The following DCDC2 variants were observed in gnomAD, a reference collection of about 807,000 sequenced individuals.
DCDC2 encodes doublecortin domain-containing protein 2.
A neutral mutation model predicts 50.2 loss-of-function variants in DCDC2; 40 were observed. The ratio of observed to expected loss-of-function variants is 0.80; its 90% CI spans 0.62 to 1.04. DCDC2 has a LOEUF of 1.04. Among genes scored for constraint, DCDC2 ranks in the 50% least tolerant of loss-of-function variants. The probability of loss-of-function intolerance (pLI) is 0.00; values close to 1 mark genes in which losing one functional copy is unlikely to be tolerated. For synonymous variants in DCDC2, 234 were observed against 210.6 expected, an observed-to-expected ratio of 1.11 and a Z score of -0.96; for missense variants, 570 against 581.9, an observed-to-expected ratio of 0.98 and a Z score of 0.21.
chr6:24,204,652 G>A (rs551652333), intron 8 of DCDC2, among the ~76,000 whole-genome samples: 7 of 152,196 alleles, frequency 4.6e-5, no homozygotes, highest in African/African-American at 1.7e-4. Context: ...TTTTCTAAGT[G>A]GGTAAGTACT....
chr6:24,286,724 T>C (rs9379650), intron 6 of DCDC2, among the ~76,000 whole-genome samples: 83,087 of 152,044 alleles, frequency 0.55, 26,111 homozygotes, highest in East Asian at 0.78. Context: ...CAACTCAACA[T>C]GTTTGAAATT....
At chr6:24,299,133 T>C (rs73396024) in intron 4 of DCDC2, among the ~76,000 whole-genome samples, 1 of 152,170 alleles carries the variant, frequency 6.6e-6, no homozygotes, top group Admixed American at 6.5e-5. Context: ...ATGGTGTATA[T>C]ACACCATGGA....
chr6:24,251,925 T>A (rs1020082152), intron 7 of DCDC2, among the ~76,000 whole-genome samples: 6 of 152,150 alleles, frequency 3.9e-5, no homozygotes, highest in African/African-American at 1.4e-4. Context: ...ATATTCATCA[T>A]CTCCAATGCC....
intron 7 of DCDC2, among the ~76,000 whole-genome samples, chr6:24,223,983 TTTCTC>T (rs951949300): frequency 5.9e-5 from 9 of 152,200 alleles, no homozygotes; most frequent in African/African-American, 2.2e-4. Flanking sequence ...ATCCTTGGTC[TTTCTC>T]TTAACACTGA....
At chr6:24,269,109 A>T (rs1269568692) in intron 7 of DCDC2, among the ~76,000 whole-genome samples, 1 of 152,236 alleles carries the variant, frequency 6.6e-6, no homozygotes, top group African/African-American at 2.4e-5. Context: ...AAGAATAAAA[A>T]TAGAGTTCAT....
intron 9 of DCDC2, among the ~76,000 whole-genome samples, 178 bp downstream of exon 9, chr6:24,178,152 T>C (rs544872034): frequency 1.3e-5 from 2 of 152,350 alleles, no homozygotes; most frequent in East Asian, 3.9e-4. Flanking sequence ...AATGGCAGTA[T>C]TGTTAAATGG....
chr6:24,381,385 C>T, the DCDC2 span, among the ~76,000 whole-genome samples: 1 of 152,140 alleles, frequency 6.6e-6, no homozygotes, highest in East Asian at 1.9e-4. Context: ...GAGATCAATA[C>T]TGTAAGATCT....
intron 7 of DCDC2, among the ~76,000 whole-genome samples, chr6:24,207,250 CTA>C (rs1250394131): frequency 8.9e-4 from 124 of 140,094 alleles, no homozygotes; most frequent in African/African-American, 3.5e-3. Flanking sequence ...CTCACTCCAT[CTA>C]TCTTTCTCTC....
chr6:24,229,584 A>G (rs1561898899), intron 7 of DCDC2, among the ~76,000 whole-genome samples: 1 of 152,146 alleles, frequency 6.6e-6, no homozygotes, highest in Admixed American at 6.5e-5. Context: ...AAAAAATGCA[A>G]AAAATTTTCA....
intron 7 of DCDC2, among the ~76,000 whole-genome samples, chr6:24,251,262 G>C (rs889095493): frequency 9.9e-5 from 15 of 152,280 alleles, no homozygotes; most frequent in African/African-American, 2.9e-4. Context: ...GAGGATACAT[G>C]AAGAATAGCT....
chr6:24,375,615 C>G, the DCDC2 span, among the ~76,000 whole-genome samples: 1 of 152,100 alleles, frequency 6.6e-6, no homozygotes, highest in Non-Finnish European at 1.5e-5. Flanking sequence ...TGAGAAAGAC[C>G]TTCCCTCACC....
At chr6:24,273,503 T>C (rs1763285597) in intron 7 of DCDC2, among the ~76,000 whole-genome samples, 1 of 152,246 alleles carries the variant, frequency 6.6e-6, no homozygotes, top group Non-Finnish European at 1.5e-5. Flanking sequence ...CAATGAATCA[T>C]AAATCTTACC....
In DCDC2 at chr6:24,188,658, T is replaced by C. The variant is rs566630653; in HGVS notation, c.1024-10026A>G. Among the ~76,000 whole-genome samples the C allele has an allele frequency of 2.4e-4, 36 of 152,300 alleles. No homozygotes were observed. In the South Asian group the frequency reaches 7.3e-3, roughly 31 times the overall value. On this transcript the variant is annotated intron_variant, in intron 8 of 9. Coordinates refer to ENST00000378454, the MANE Select transcript of DCDC2 (RefSeq NM_016356.5). ...AAGAGAACCTGTTTTCAGATAGAAATTGTTTCTCTAAGGAGTACATACATC... is the reference window on the plus strand; with the variant it reads ...AAGAGAACCTGTTTTCAGATAGAAACTGTTTCTCTAAGGAGTACATACATC...
chr6:24,281,548 C>G (rs1763472455), intron 6 of DCDC2, among the ~76,000 whole-genome samples: 1 of 143,370 alleles, frequency 7.0e-6, no homozygotes, highest in African/African-American at 2.5e-5. Flanking sequence ...GTTGATTCAT[C>G]TAAAGTGTTC....
At chr6:24,234,250 C>G (rs1288088377) in intron 7 of DCDC2, among the ~76,000 whole-genome samples, 2 of 151,166 alleles carry the variant, frequency 1.3e-5, no homozygotes, top group African/African-American at 4.9e-5. Flanking sequence ...AAAAATCGCA[C>G]GGGGCACAGA....
At chr6:24,260,916 G>A (rs1221342035) in intron 7 of DCDC2, among the ~76,000 whole-genome samples, 1 of 152,146 alleles carries the variant, frequency 6.6e-6, no homozygotes, top group Non-Finnish European at 1.5e-5. Flanking sequence ...ATATTGGATT[G>A]AATTATTGAG....
chr6:24,306,537 GATA>G (rs1418810112), intron 2 of DCDC2, among the ~76,000 whole-genome samples: 7 of 142,642 alleles, frequency 4.9e-5, no homozygotes, highest in African/African-American at 1.9e-4. Context: ...TAGATAGATA[GATA>G]GATAGACAGA....
rs571691635 is a variant in DCDC2, at chr6:24,283,395, AC to A, written c.760-5185del. Among the ~76,000 whole-genome samples the A allele has an allele frequency of 3.1e-3, 470 of 152,330 alleles. 2 individuals carry two copies. The highest frequency in any genetic ancestry group is 0.011 in the African/African-American group (447 of 41,568). ...GGCTCCCTGACCAACTCAGTTACGC[AC>A]CAGCAGGGGTCCCTGTGTACACTAT... On this transcript the variant is annotated intron_variant, in intron 6 of 9. Transcript: ENST00000378454.
At chr6:24,237,394 A>G (rs919289405) in intron 7 of DCDC2, among the ~76,000 whole-genome samples, 1 of 152,196 alleles carries the variant, frequency 6.6e-6, no homozygotes, top group African/African-American at 2.4e-5. Context: ...TGCAAAATAA[A>G]TTGCAAAAAC....
Sources: allele counts gnomAD v4.1 joint callset (sites outside exome capture counted in the v4.1 genomes callset), GRCh38; gene constraint gnomAD v4.1.1; transcripts MANE v1.5; gene names NCBI Gene and HGNC (gene_info 2026-07-23, HGNC 2026-07-21).